SRCIN1: variants seen among roughly 807,000 people sequenced by gnomAD.
SRCIN1 encodes the protein SRC kinase signaling inhibitor 1.
In SRCIN1, 50 loss-of-function variants were observed where a neutral mutation model predicts 116.2. The ratio of observed to expected loss-of-function variants is 0.43; its 90% confidence interval spans 0.34 to 0.54. SRCIN1 has a LOEUF of 0.54. Among genes scored for constraint, SRCIN1 ranks in the 20% least tolerant of loss-of-function variants. The pLI is 0.02. For missense variants in SRCIN1, 1,446 were observed against 1,672.0 expected (o/e 0.86, Z 2.36); for synonymous variants, 736 against 750.0 (o/e 0.98, Z 0.30).
chr17:38,538,579 T>C (rs1357155104), intron 18 of SRCIN1, among the ~76,000 whole-genome samples: 2 of 152,172 alleles, frequency 1.3e-5, no homozygotes, highest in Non-Finnish European at 2.9e-5. Flanking sequence ...CCTTTCCTTA[T>C]TGTTTATCCA....
At chr17:38,551,690 T>C in intron 14 of SRCIN1, 196 bp downstream of exon 14, 1 of 821,408 alleles carries the variant, frequency 1.2e-6, no homozygotes, top group South Asian at 1.7e-5. Flanking sequence ...TTGATTATTG[T>C]AGCTTTATAA....
intron 15 of SRCIN1, among the ~76,000 whole-genome samples, chr17:38,550,367 G>A (rs940780424): frequency 7.9e-5 from 12 of 152,150 alleles, no homozygotes; most frequent in Non-Finnish European, 1.0e-4. Flanking sequence ...TGGTGCAGGC[G>A]CCTGTAGTCC....
chr17:38,595,096 C>T (rs1405677784), intron 1 of SRCIN1, among the ~76,000 whole-genome samples: 6 of 152,184 alleles, frequency 3.9e-5, no homozygotes, highest in Admixed American at 2.0e-4. Flanking sequence ...TATCTTCCAA[C>T]TCTTCAACCT....
At position 38,560,393 on chromosome 17, in the gene SRCIN1, G is replaced by A; in HGVS notation, c.1733C>T (p.Ala578Val). 1 of 1,611,938 alleles carries A rather than the reference G, an allele frequency of 6.2e-7. No homozygotes were observed. Among genetic ancestry groups the A allele is most frequent in the Non-Finnish European group, 8.5e-7 (1 of 1,179,096 alleles). Residue 578 changes from alanine (A) to valine (V), a missense_variant, in exon 8 of 19, where the codon GCC (alanine) becomes GTC (valine). Transcript: ENST00000617146. ...ERMEAMEKQIASLTGLVQSAL... is the reference protein window; with the variant it reads ...ERMEAMEKQIVSLTGLVQSAL... The stretch of plus-strand genomic sequence containing the variant: ...GCTCTGCACCAGGCCTGTGAGGCTG[G>A]CAATCTGCTTCTCCATGGCCTCCAT...
intron 18 of SRCIN1, among the ~76,000 whole-genome samples, chr17:38,534,852 G>T (rs1452889550): frequency 6.6e-6 from 1 of 152,188 alleles, no homozygotes; most frequent in Non-Finnish European, 1.5e-5. Context: ...CAAGGGCCGG[G>T]TGTGGTGGCT....
intron 1 of SRCIN1, among the ~76,000 whole-genome samples, chr17:38,593,388 A>G (rs1161640263): frequency 6.6e-6 from 1 of 152,116 alleles, no homozygotes; most frequent in Non-Finnish European, 1.5e-5. Flanking sequence ...CTGCTGCCAG[A>G]GTGCAGAGAG....
chr17:38,538,429 A>AT (rs1308861603), intron 18 of SRCIN1, among the ~76,000 whole-genome samples: 1 of 147,666 alleles, frequency 6.8e-6, no homozygotes, highest in Non-Finnish European at 1.5e-5. Context: ...AAAAAAAAAA[A>AT]AAAATAATAA....
chr17:38,569,354 C>T (rs923051413), intron 2 of SRCIN1, among the ~76,000 whole-genome samples: 1 of 152,162 alleles, frequency 6.6e-6, no homozygotes, highest in South Asian at 2.1e-4. Flanking sequence ...TGGCCTGGCC[C>T]GGGGGTGCCT....
At chr17:38,599,790 C>T (rs1177480812) in intron 1 of SRCIN1, among the ~76,000 whole-genome samples, 1 of 152,142 alleles carries the variant, frequency 6.6e-6, no homozygotes, top group South Asian at 2.1e-4. Context: ...CCAGTGCATG[C>T]GTGGGGCCCG....
At chr17:38,549,634 T>A (rs1175003338) in intron 15 of SRCIN1, among the ~76,000 whole-genome samples, 1 of 151,908 alleles carries the variant, frequency 6.6e-6, no homozygotes, top group Admixed American at 6.6e-5. Context: ...GCTCTCCATC[T>A]CTCCTCCAGG....
intron 18 of SRCIN1, among the ~76,000 whole-genome samples, chr17:38,537,083 C>T (rs1904423365): frequency 1.3e-5 from 2 of 152,038 alleles, no homozygotes; most frequent in Admixed American, 1.3e-4. Flanking sequence ...GAGGCTGAGG[C>T]AGGAAGATCG....
intron 10 of SRCIN1, 130 bp downstream of exon 10, chr17:38,559,455 G>C (rs899582666): frequency 2.0e-5 from 19 of 946,992 alleles, no homozygotes; most frequent in Admixed American, 2.8e-5. Flanking sequence ...AGGCCAGTGA[G>C]CGGCGAAGGA....
chr17:38,561,713 G>A lies in SRCIN1; in HGVS notation c.1450C>T (p.Pro484Ser), dbSNP rs1331828698. 6.5e-7 allele frequency: 1 copy of A among 1,533,426 alleles called. No homozygotes were observed. The highest frequency in any genetic ancestry group is 1.2e-5 in the South Asian group (1 of 83,808). 95.0% of individuals were successfully genotyped at this position (1,533,426 alleles called of 1,614,324 possible). A position where few individuals can be genotyped will look rare whatever the true frequency, so the allele number is the denominator to read the frequency against. ...TGCGGTGGCGGGGGACCTCCGGGGG[G>A]TGCTGCCACGTCGGCCAGCTTCTGC... ...SPQKLADVAA[P>S]PGGPPPPHSP... The change falls in exon 7 of 19, where the codon CCC (proline) becomes TCC (serine). Residue 484 changes from proline (P) to serine (S), a missense_variant. By Grantham distance (74) the Pro-to-Ser change is moderately conservative. Transcript: ENST00000617146.
Position 38,530,208 on chromosome 17 carries a change from T to A in SRCIN1, c.*3089A>T, listed in dbSNP as rs1236348314. 1 of 152,152 alleles carries A rather than the reference T, an allele frequency of 6.6e-6. No individual in the cohort carries two copies. Among genetic ancestry groups the A allele is most frequent in the Non-Finnish European group, 1.5e-5 (1 of 68,058 alleles). The allele number at this position is 152,152 out of a possible 1,614,324, so 9.4% of individuals were successfully genotyped here. A position where few individuals can be genotyped will look rare whatever the true frequency, so the allele number is the denominator to read the frequency against. On this transcript the variant is annotated 3_prime_UTR_variant, in exon 19 of 19. Coordinates refer to ENST00000617146, the MANE Select transcript of SRCIN1 (RefSeq NM_025248.3). ...AGTTACACCGACAGAGGTCACAGAA[T>A]ATCCACAGAAGCCATCACTGCTACA... is the stretch of plus-strand genomic sequence containing the variant.
In SRCIN1 at chr17:38,560,117, G is replaced by A; in HGVS notation, c.1794-20C>T. 1 of 1,540,960 alleles carries A rather than the reference G, an allele frequency of 6.5e-7. No homozygotes were observed. The highest frequency in any genetic ancestry group is 8.8e-7 in the Non-Finnish European group (1 of 1,142,372). On this transcript the variant is annotated intron_variant, in intron 8 of 18. Transcript: ENST00000617146. ...TTCTCGCTGTGGCACAGGGAAAAAA[G>A]CCATCAGGGGGTCCAGGCCAGCCCC...
intron 2 of SRCIN1, among the ~76,000 whole-genome samples, chr17:38,575,434 T>C (rs1907359923): frequency 6.6e-6 from 1 of 152,024 alleles, no homozygotes; most frequent in African/African-American, 2.4e-5. Flanking sequence ...CAAAAATTAT[T>C]TTTAAGAGAC....
intron 7 of SRCIN1, 39 bp from the exon 8 acceptor site, chr17:38,560,464 C>A (rs1906160005): frequency 1.3e-6 from 2 of 1,531,754 alleles, no homozygotes; most frequent in African/African-American, 2.7e-5. Flanking sequence ...CGCCTCTGAG[C>A]ATAGGGTCTC....
At chr17:38,557,768 TC>T (rs1905902104) in intron 11 of SRCIN1, among the ~76,000 whole-genome samples, 1 of 152,206 alleles carries the variant, frequency 6.6e-6, no homozygotes, top group Non-Finnish European at 1.5e-5. Flanking sequence ...ATATCTGGAC[TC>T]AGAGATCAGG....
chr17:38,540,205 A>G (rs1289112393), intron 18 of SRCIN1, among the ~76,000 whole-genome samples: 1 of 152,048 alleles, frequency 6.6e-6, no homozygotes, highest in Admixed American at 6.5e-5. Context: ...TAAGCACAAC[A>G]TTCACGGGCT....
Sources: allele counts gnomAD v4.1 joint callset (sites outside exome capture counted in the v4.1 genomes callset), GRCh38; gene constraint gnomAD v4.1.1; transcripts MANE v1.5; gene names NCBI Gene and HGNC (gene_info 2026-07-23, HGNC 2026-07-21).